Variants in HMCN1 observed in about 807,000 individuals in gnomAD.
HMCN1 encodes hemicentin 1.
A neutral mutation model predicts 625.9 loss-of-function variants in HMCN1; 321 were observed. That is an observed-to-expected ratio of 0.51 (90% CI 0.47 to 0.56). The LOEUF (loss-of-function observed/expected upper bound fraction) is 0.56. Ranked by LOEUF, HMCN1 falls within the 20% of genes least tolerant of loss-of-function variation. The pLI is 0.00. For missense variants in HMCN1, 6,588 were observed against 6,887.3 expected (o/e 0.96, Z 1.54); for synonymous variants, 2,425 against 2,417.6 (o/e 1.00, Z -0.09).
At chr1:186,101,056 A>G (rs1660360738) in intron 68 of HMCN1, among the ~76,000 whole-genome samples, 1 of 152,180 alleles carries the variant, frequency 6.6e-6, no homozygotes, top group Non-Finnish European at 1.5e-5. Context: ...TCTCTGCTAA[A>G]GAGGCTAGGA....
intron 43 of HMCN1, 77 bp from the exon 44 acceptor site, chr1:186,053,748 C>G: frequency 6.9e-7 from 1 of 1,455,940 alleles, no homozygotes; most frequent in Non-Finnish European, 9.6e-7. Context: ...ACTGAATAAA[C>G]AAATGTCATA....
intron 96 of HMCN1, 62 bp downstream of exon 96, chr1:186,152,933 T>C: frequency 6.3e-7 from 1 of 1,596,720 alleles, no homozygotes; most frequent in South Asian, 1.1e-5. Flanking sequence ...GAAAGGTCCA[T>C]AGAATGAGCA....
At chr1:185,916,446 A>G (rs1312705799) in intron 6 of HMCN1, among the ~76,000 whole-genome samples, 1 of 152,166 alleles carries the variant, frequency 6.6e-6, no homozygotes, top group Non-Finnish European at 1.5e-5. Flanking sequence ...AGATATTGGT[A>G]AAGTGCTTCA....
intron 41 of HMCN1, 98 bp downstream of exon 41, chr1:186,045,961 C>A: frequency 1.2e-6 from 1 of 848,148 alleles, no homozygotes; most frequent in South Asian, 1.6e-5. Context: ...AAGTGTTGGA[C>A]TAATTTTCTC....
intron 18 of HMCN1, 52 bp downstream of exon 18, chr1:185,982,441 C>A: frequency 1.1e-5 from 14 of 1,227,406 alleles, no homozygotes; most frequent in African/African-American, 1.6e-5. Context: ...GTTTTCTTTT[C>A]TTTTTTTTTT....
chr1:186,050,448 C>T (rs1180725647), intron 42 of HMCN1, among the ~76,000 whole-genome samples: 1 of 151,548 alleles, frequency 6.6e-6, no homozygotes, highest in African/African-American at 2.4e-5. Context: ...AAAAGAGACT[C>T]TAGATAAGAA....
intron 4 of HMCN1, among the ~76,000 whole-genome samples, chr1:185,881,100 C>G (rs1664279011): frequency 6.6e-6 from 1 of 152,236 alleles, no homozygotes; most frequent in Non-Finnish European, 1.5e-5. Context: ...TGAATGTTAA[C>G]AGCTCAGTGG....
intron 11 of HMCN1, among the ~76,000 whole-genome samples, chr1:185,937,882 AAAT>A (rs200950894): frequency 0.11 from 15,190 of 142,512 alleles, 1,036 homozygotes; most frequent in African/African-American, 0.2. Context: ...CTCCATCTCA[AAAT>A]AATAATAATA....
intron 33 of HMCN1, among the ~76,000 whole-genome samples, chr1:186,017,804 G>T (rs1456117586): frequency 1.3e-5 from 2 of 151,814 alleles, no homozygotes; most frequent in East Asian, 3.9e-4. Flanking sequence ...TTGGTACATA[G>T]TGGGTGTATA....
chr1:185,773,876 G>A (rs1408176918), intron 1 of HMCN1, among the ~76,000 whole-genome samples: 1 of 152,160 alleles, frequency 6.6e-6, no homozygotes, highest in Non-Finnish European at 1.5e-5. Context: ...TGGCGATCTA[G>A]TCCAATCAGA....
intron 68 of HMCN1, among the ~76,000 whole-genome samples, chr1:186,102,342 C>G (rs1260907603): frequency 6.6e-6 from 1 of 152,000 alleles, no homozygotes; most frequent in Non-Finnish European, 1.5e-5. Flanking sequence ...TATCTTTCTC[C>G]AGAAGGAAAA....
chr1:185,845,499 G>A (rs534586040), intron 1 of HMCN1, among the ~76,000 whole-genome samples: 1 of 152,302 alleles, frequency 6.6e-6, no homozygotes, highest in South Asian at 2.1e-4. Flanking sequence ...GAGATTACAG[G>A]CGTGAGCCAC....
intron 4 of HMCN1, among the ~76,000 whole-genome samples, chr1:185,888,049 T>G (rs1402660521): frequency 4.9e-5 from 7 of 141,594 alleles, no homozygotes; most frequent in African/African-American, 1.7e-4. Flanking sequence ...TGCATTTCAC[T>G]GATGGCCAGT....
At chr1:185,817,006 T>G (rs1008965745) in intron 1 of HMCN1, among the ~76,000 whole-genome samples, 2 of 152,210 alleles carry the variant, frequency 1.3e-5, no homozygotes, top group Non-Finnish European at 2.9e-5. Context: ...TTCAGTGTCT[T>G]GAACAGTGCC....
chr1:185,869,972 T>C (rs1558028641), intron 4 of HMCN1, among the ~76,000 whole-genome samples: 1 of 151,978 alleles, frequency 6.6e-6, no homozygotes, highest in Non-Finnish European at 1.5e-5. Context: ...GGGGGATATA[T>C]TTTATATAAA....
chr1:185,775,582 C>T (rs2102156892), intron 1 of HMCN1, among the ~76,000 whole-genome samples: 1 of 152,256 alleles, frequency 6.6e-6, no homozygotes, highest in Non-Finnish European at 1.5e-5. Context: ...GAGGAACATA[C>T]TTTGCAGGGA....
At chr1:185,749,753 T>A (rs1654669371) in intron 1 of HMCN1, among the ~76,000 whole-genome samples, 1 of 152,230 alleles carries the variant, frequency 6.6e-6, no homozygotes, top group African/African-American at 2.4e-5. Flanking sequence ...TTCTCCCCAG[T>A]GCTGCCAGAA....
At position 186,129,729 on chromosome 1, in the gene HMCN1, ATGTT is replaced by A. The variant is rs528613431; in HGVS notation, c.12905-231_12905-228del. Among the ~76,000 whole-genome samples, 27 of 152,252 alleles carry A rather than the reference ATGTT, an allele frequency of 1.8e-4. No individual in the cohort carries two copies. The South Asian group carries it at 5.4e-3, about 30-fold the overall frequency. On this transcript the variant is annotated intron_variant, in intron 83 of 106. Transcript: ENST00000271588. ...TTAAACCTAAAATAATTTTTAAAAGATGTTTGTTTTCATCCTCTTTTCCTGTTCC... is the reference window on the plus strand; with the variant it reads ...TTAAACCTAAAATAATTTTTAAAAGATGTTTTCATCCTCTTTTCCTGTTCC...
chr1:186,017,705 T>C (rs563066930), intron 33 of HMCN1, among the ~76,000 whole-genome samples: 2 of 152,148 alleles, frequency 1.3e-5, no homozygotes, highest in South Asian at 2.1e-4. Context: ...ATTGTGTATG[T>C]TTTGCTGGTT....
Sources: allele counts gnomAD v4.1 joint callset (sites outside exome capture counted in the v4.1 genomes callset), GRCh38; gene constraint gnomAD v4.1.1; transcripts MANE v1.5; gene names NCBI Gene and HGNC (gene_info 2026-07-23, HGNC 2026-07-21).